EPRS1: variants seen among roughly 807,000 people sequenced by gnomAD.
EPRS1 encodes bifunctional glutamate/proline--tRNA ligase.
A neutral mutation model predicts 188.3 loss-of-function variants in EPRS1; 107 were observed. That is an observed-to-expected ratio of 0.57 (90% CI 0.49 to 0.67). EPRS1 has a LOEUF of 0.67. Ranked by LOEUF, EPRS1 falls within the 30% of genes least tolerant of loss-of-function variation. The pLI, the probability that EPRS1 is intolerant of heterozygous loss-of-function variation, is 0.00. For synonymous variants in EPRS1, 596 were observed against 593.1 expected (o/e 1.00, Z -0.07); for missense variants, 1,577 against 1,802.2 (o/e 0.88, Z 2.26).
At chr1:220,040,041 C>A in intron 2 of EPRS1, 144 bp downstream of exon 2, 1 of 573,504 alleles carries the variant, frequency 1.7e-6, no homozygotes, top group Admixed American at 3.3e-5. Context: ...GCTGGGATGG[C>A]AGGATCCTGA....
chr1:220,030,652 C>T (rs1345522681), intron 5 of EPRS1, among the ~76,000 whole-genome samples, 172 bp from the exon 6 acceptor site: 5 of 152,120 alleles, frequency 3.3e-5, no homozygotes, highest in Non-Finnish European at 7.4e-5. Context: ...ATAAATAAAA[C>T]CAAATACCAG....
rs578165214 is a variant in EPRS1 at position 219,986,456 on chromosome 1, C to T, written c.3038+686G>A. Among the ~76,000 whole-genome samples, 29 of 152,194 alleles carry T rather than the reference C, an allele frequency of 1.9e-4. No individual in the cohort carries two copies. In the East Asian group the frequency reaches 5.4e-3, roughly 28 times the overall value. ...GATCTGCGATGCCAATATCAAGTGC[C>T]ATATATCAGGTTTCCATACATGCTC... On this transcript the variant is annotated intron_variant, in intron 20 of 31. Transcript: ENST00000366923.
Position 220,020,261 on chromosome 1 carries a change from C to T in EPRS1, c.1116-40G>A, listed in dbSNP as rs775968334. On this transcript the variant is annotated intron_variant, in intron 9 of 31. Transcript: ENST00000366923. ...AATAAAATAAACAAAACATTTTACC[C>T]TTTCCCTCTTAGATTAAGCATTATA... The T allele has an allele frequency of 5.5e-6, 7 of 1,264,682 alleles. No individual in the cohort carries two copies. In the African/African-American group the frequency reaches 1.0e-4, roughly 19 times the overall value. 78.3% of individuals were successfully genotyped at this position (1,264,682 alleles called of 1,614,324 possible).
At chr1:220,045,109 A>G (rs916708063) in intron 1 of EPRS1, among the ~76,000 whole-genome samples, 1 of 152,250 alleles carries the variant, frequency 6.6e-6, no homozygotes, top group East Asian at 1.9e-4. Context: ...ATAATGAATA[A>G]TTTCATCAGC....
At chr1:219,997,437 A>G in intron 17 of EPRS1, 95 bp from the exon 18 acceptor site, 2 of 1,122,310 alleles carry the variant, frequency 1.8e-6, no homozygotes, top group Non-Finnish European at 2.4e-6. Flanking sequence ...AATGTTTCCA[A>G]TTAAAAACAG....
intron 18 of EPRS1, among the ~76,000 whole-genome samples, chr1:219,992,991 T>C (rs1434111201): frequency 6.6e-6 from 1 of 151,826 alleles, no homozygotes; most frequent in East Asian, 1.9e-4. Context: ...TCCCAACACT[T>C]TGAGAGGTCA....
rs1558272710 is a variant in EPRS1, at chr1:219,982,755, C to G, written c.3373+17G>C. ...CGTTCAGTGAGCATTCTCTTGCACT[C>G]CAATGCCTATTCTCACCTGTTTCAC... On this transcript the variant is annotated intron_variant, in intron 23 of 31. Coordinates refer to ENST00000366923, the MANE Select transcript of EPRS1 (RefSeq NM_004446.3). 2 of 1,608,254 alleles carry G rather than the reference C, an allele frequency of 1.2e-6. No individual in the cohort carries two copies. The highest frequency in any genetic ancestry group is 2.2e-5 in the East Asian group (1 of 44,824).
chr1:219,989,918 C>G (rs2647479), intron 18 of EPRS1, among the ~76,000 whole-genome samples: 122,422 of 151,722 alleles, frequency 0.81, 49,505 homozygotes, highest in East Asian at 0.94. Context: ...TCAAGAAAAA[C>G]GGCCAAGTTA....
At chr1:220,017,520 T>C (rs999311667) in intron 12 of EPRS1, among the ~76,000 whole-genome samples, 5 of 152,200 alleles carry the variant, frequency 3.3e-5, no homozygotes, top group Non-Finnish European at 7.3e-5. Flanking sequence ...CAATTAACAA[T>C]TCCTTTATGT....
intron 2 of EPRS1, among the ~76,000 whole-genome samples, chr1:220,038,493 G>C (rs114177323): frequency 0.01 from 1,520 of 150,616 alleles, 42 homozygotes; most frequent in African/African-American, 0.036. Context: ...GTGGGCTCAG[G>C]TGATCATCCT....
At chr1:220,012,647 T>G (rs1661626174) in intron 12 of EPRS1, among the ~76,000 whole-genome samples, 2 of 152,266 alleles carry the variant, frequency 1.3e-5, no homozygotes, top group Admixed American at 1.3e-4. Flanking sequence ...TAAAAGTCTC[T>G]GGATCAGTGG....
intron 2 of EPRS1, among the ~76,000 whole-genome samples, chr1:220,038,390 CT>C (rs71169431): frequency 0.15 from 15,123 of 101,406 alleles, 1,238 homozygotes; most frequent in Middle Eastern, 0.22. Flanking sequence ...CTCAGTTTAT[CT>C]TTTTTTTTTT....
rs746330301 is a variant in EPRS1 at position 219,987,205 on chromosome 1, T to C, written c.2975A>G (p.Asn992Ser). 11 of 1,614,078 alleles carry C rather than the reference T, an allele frequency of 6.8e-6. No individual in the cohort carries two copies. The highest frequency in any genetic ancestry group is 6.6e-5 in the South Asian group (6 of 91,068). Residue 992 changes from asparagine (N) to serine (S), a missense_variant, in exon 20 of 32, where the codon AAC becomes AGC. Physicochemically the swap from Asn to Ser is conservative, Grantham distance 46. This residue lies in a region of EPRS1 where 1,278 missense variants were observed against 1,457.4 expected (regional missense o/e 0.88). Coordinates refer to ENST00000366923, the MANE Select transcript of EPRS1 (RefSeq NM_004446.3). ...NDGQRKDPSK[N>S]QGGGLSSSGA... ...ACTTGATGAGAGCCCACCTCCTTGG[T>C]TTTTAGAAGGGTCTTTCCTTTGGCC...
intron 6 of EPRS1, 70 bp downstream of exon 6, chr1:220,030,313 AAGT>A: frequency 1.1e-6 from 1 of 926,906 alleles, no homozygotes; most frequent in Middle Eastern, 2.2e-4. Flanking sequence ...TTAATACTTT[AAGT>A]ATTTAATCAC....
Position 219,969,060 on chromosome 1 carries a change from G to C in EPRS1, c.4386C>G (p.Ala1462=), listed in dbSNP as rs1221393120. 1 of 1,612,486 alleles carries C rather than the reference G, an allele frequency of 6.2e-7. No homozygotes were observed. Among genetic ancestry groups the C allele is most frequent in the South Asian group, 1.1e-5 (1 of 91,040 alleles). ...TTTTGCCAGTTAATTAGGTTTACCT[G>C]GCAGTGGTCTTTTTGATCCAGTCCT... ...DCEDWIKKTT[A]RDQDLEPGAP... The change falls in exon 31 of 32, where the codon GCC becomes GCG. Residue 1462 remains alanine (A), a splice_region_variant and synonymous_variant. Transcript: ENST00000366923.
At position 220,025,267 on chromosome 1, in the gene EPRS1, A is replaced by G. The variant is rs1386658283; in HGVS notation, c.624-9T>C. 6.3e-7 allele frequency: 1 copy of G among 1,578,692 alleles called. No individual in the cohort carries two copies. The highest frequency in any genetic ancestry group is 1.2e-5 in the South Asian group (1 of 84,956). Reference sequence around the variant, plus strand: ...GCCCAATGTGTAAGTAACTAAAACAAAAACATTTCACAAAGAAACTCATTA... The same window carrying G: ...GCCCAATGTGTAAGTAACTAAAACAGAAACATTTCACAAAGAAACTCATTA... On this transcript the variant is annotated splice_polypyrimidine_tract_variant and intron_variant, in intron 6 of 31. Coordinates refer to ENST00000366923, the MANE Select transcript of EPRS1 (RefSeq NM_004446.3).
chr1:220,037,505 CAAAA>C (rs766349279), intron 2 of EPRS1, among the ~76,000 whole-genome samples: 3 of 52,318 alleles, frequency 5.7e-5, no homozygotes, highest in African/African-American at 6.7e-5. Context: ...ACTCCATCTC[CAAAA>C]AAAAAAAAAA....
At chr1:219,998,830 T>C (rs1209638858) in intron 17 of EPRS1, among the ~76,000 whole-genome samples, 1 of 151,480 alleles carries the variant, frequency 6.6e-6, no homozygotes, top group Non-Finnish European at 1.5e-5. Flanking sequence ...CTTAAGCCAC[T>C]GCGCCTGGCC....
Position 220,006,227 on chromosome 1 carries a change from A to G in EPRS1, c.1829T>C (p.Leu610Pro). The G allele has an allele frequency of 6.2e-7, 1 of 1,604,694 alleles. No individual in the cohort carries two copies. Among genetic ancestry groups the G allele is most frequent in the Non-Finnish European group, 8.5e-7 (1 of 1,174,378 alleles). The part of the protein sequence containing the change: ...DYKKTTKVTW[L>P]AETTHALPIP... ...AGGAAGAGCATGTGTAGTCTCTGCAAGCCAAGTGACCTTAGTGGTTTTCTT... is the reference window on the plus strand; with the variant it reads ...AGGAAGAGCATGTGTAGTCTCTGCAGGCCAAGTGACCTTAGTGGTTTTCTT... Residue 610 changes from leucine to proline, a missense_variant, in exon 15 of 32, where the codon CTT (leucine) becomes CCT (proline). This residue lies in a region of EPRS1 where 1,278 missense variants were observed against 1,457.4 expected (regional missense o/e 0.88). Coordinates refer to ENST00000366923, the MANE Select transcript of EPRS1 (RefSeq NM_004446.3).
Sources: allele counts gnomAD v4.1 joint callset (sites outside exome capture counted in the v4.1 genomes callset), GRCh38; gene constraint gnomAD v4.1.1; regional missense constraint gnomAD v4.1.1; transcripts MANE v1.5; gene names NCBI Gene and HGNC (gene_info 2026-07-23, HGNC 2026-07-21).